The following FNDC3A variants were observed in gnomAD, a reference collection of about 807,000 sequenced individuals.
The protein encoded by FNDC3A is fibronectin type-III domain-containing protein 3A.
Under a neutral mutation model 148.9 loss-of-function variants are expected in FNDC3A, and 32 were observed. That is an observed-to-expected ratio of 0.21 (90% CI 0.16 to 0.29). The LOEUF (loss-of-function observed/expected upper bound fraction) is 0.29. Ranked by LOEUF, FNDC3A falls within the 10% of genes least tolerant of loss-of-function variation. The pLI, the probability that FNDC3A is intolerant of heterozygous loss-of-function variation, is 1.00. For missense variants in FNDC3A, 1,191 were observed against 1,452.8 expected (o/e 0.82, Z 2.93); for synonymous variants, 472 against 473.6 (o/e 1.00, Z 0.04).
At chr13:49,095,508 A>G (rs1300191733) in intron 3 of FNDC3A, 1 of 152,074 alleles carries the variant, frequency 6.6e-6, no homozygotes. Flanking sequence ...AAAATAAAAT[A>G]TAAAGGAAAC....
chr13:49,154,433 G>A (rs1257812480), intron 8 of FNDC3A, among the ~76,000 whole-genome samples: 4 of 148,044 alleles, frequency 2.7e-5, no homozygotes, highest in Admixed American at 6.8e-5. Context: ...AGACACTGGG[G>A]TTTTCTAAAT....
At chr13:49,018,139 A>G (rs1327808920) in intron 2 of FNDC3A, among the ~76,000 whole-genome samples, 1 of 150,800 alleles carries the variant, frequency 6.6e-6, no homozygotes, top group Non-Finnish European at 1.5e-5. Flanking sequence ...CTGAATCTGA[A>G]CGTTGGCCTG....
At position 49,191,211 on chromosome 13, in the gene FNDC3A, C is replaced by T. The variant is rs375633208; in HGVS notation, c.2053C>T (p.Pro685Ser). ...GCATTAATCTTTCCATCTTTTAGGA[C>T]CCCCTCTGGTTGATGGTGGATCACC... ...KAKEIQLRWG[P>S]PLVDGGSPIS... Residue 685 changes from proline to serine, a missense_variant and splice_region_variant, in exon 19 of 26, where the codon CCC becomes TCC. Physicochemically the swap from Pro to Ser is moderately conservative, Grantham distance 74 (BLOSUM62 -1). Around this residue, in one of 3 missense-constraint regions of FNDC3A, gnomAD observed 751 missense variants for 944.0 expected, o/e 0.80. Transcript: ENST00000492622. 34 of 1,605,714 alleles carry T rather than the reference C, an allele frequency of 2.1e-5. No homozygotes were observed. In the Admixed American group the frequency reaches 3.3e-4, roughly 15 times the overall value.
intron 8 of FNDC3A, among the ~76,000 whole-genome samples, chr13:49,166,038 C>T (rs1163596150): frequency 2.0e-5 from 3 of 152,066 alleles, no homozygotes; most frequent in African/African-American, 4.8e-5. Context: ...TCAGGCCCTC[C>T]AGTGGTGTTT....
chr13:48,994,959 C>T (rs1314641541), intron 1 of FNDC3A, among the ~76,000 whole-genome samples: 3 of 151,954 alleles, frequency 2.0e-5, no homozygotes, highest in Non-Finnish European at 2.9e-5. Context: ...TGAAGTTTTC[C>T]ACAATAAAAG....
At chr13:49,176,895 G>C (rs1210029633) in intron 13 of FNDC3A, among the ~76,000 whole-genome samples, 1 of 152,120 alleles carries the variant, frequency 6.6e-6, no homozygotes, top group Non-Finnish European at 1.5e-5. Context: ...TGAACTCCTG[G>C]GCTCAGGCAA....
chr13:49,177,106 C>G (rs1885068283), intron 13 of FNDC3A, among the ~76,000 whole-genome samples: 1 of 152,152 alleles, frequency 6.6e-6, no homozygotes, highest in South Asian at 2.1e-4. Context: ...CCTGAAAACT[C>G]TGTCTTTTCT....
intron 2 of FNDC3A, among the ~76,000 whole-genome samples, chr13:49,040,484 A>T (rs531934540): frequency 6.6e-6 from 1 of 152,254 alleles, no homozygotes; most frequent in Non-Finnish European, 1.5e-5. Context: ...ATTGCTAGAA[A>T]TGAAAGAAGT....
intron 25 of FNDC3A, among the ~76,000 whole-genome samples, chr13:49,203,606 A>G (rs1362559803): frequency 6.6e-6 from 1 of 152,238 alleles, no homozygotes; most frequent in East Asian, 1.9e-4. Flanking sequence ...AAACATGACA[A>G]TATATTGTCA....
intron 5 of FNDC3A, among the ~76,000 whole-genome samples, chr13:49,132,343 C>G (rs1476913500): frequency 1.3e-5 from 2 of 152,100 alleles, no homozygotes; most frequent in African/African-American, 4.8e-5. Flanking sequence ...AGTGATTTCC[C>G]ATTGCAATTA....
intron 2 of FNDC3A, among the ~76,000 whole-genome samples, chr13:49,059,682 C>G (rs1876517688): frequency 6.6e-6 from 1 of 152,148 alleles, no homozygotes; most frequent in Non-Finnish European, 1.5e-5. Context: ...TCTCAAAACT[C>G]CTGACCTCAA....
At chr13:49,189,372 G>A (rs1428635393) in intron 17 of FNDC3A, among the ~76,000 whole-genome samples, 2 of 151,944 alleles carry the variant, frequency 1.3e-5, no homozygotes, top group Non-Finnish European at 2.9e-5. Context: ...TAGTAGAGAC[G>A]GGGTTTTACC....
chr13:49,194,494 G>A (rs1195029073), intron 19 of FNDC3A, among the ~76,000 whole-genome samples: 2 of 152,176 alleles, frequency 1.3e-5, no homozygotes, highest in African/African-American at 4.8e-5. Flanking sequence ...GTATTCATGT[G>A]AGAGTAAAGC....
intron 8 of FNDC3A, among the ~76,000 whole-genome samples, chr13:49,159,662 A>G (rs1164006381): frequency 6.6e-6 from 1 of 152,178 alleles, no homozygotes; most frequent in African/African-American, 2.4e-5. Flanking sequence ...TATGTTGAAT[A>G]GGGGTGGAGA....
intron 3 of FNDC3A, among the ~76,000 whole-genome samples, chr13:49,076,968 A>G (rs889651284): frequency 6.6e-6 from 1 of 152,128 alleles, no homozygotes; most frequent in Non-Finnish European, 1.5e-5. Flanking sequence ...TATTTAACTA[A>G]TAGTTATTGC....
intron 1 of FNDC3A, among the ~76,000 whole-genome samples, chr13:48,997,098 A>T (rs1395290136): frequency 6.6e-6 from 1 of 152,112 alleles, no homozygotes; most frequent in Non-Finnish European, 1.5e-5. Flanking sequence ...GGATATCTCA[A>T]TCTAAATGTA....
chr13:49,177,154 G>A (rs898139132), intron 13 of FNDC3A, among the ~76,000 whole-genome samples: 3 of 152,070 alleles, frequency 2.0e-5, no homozygotes, highest in Admixed American at 1.3e-4. Flanking sequence ...TTGTGTGTGT[G>A]TATATATGTC....
chr13:49,192,465 T>G (rs1885934081), intron 19 of FNDC3A, among the ~76,000 whole-genome samples: 1 of 152,020 alleles, frequency 6.6e-6, no homozygotes, highest in African/African-American at 2.4e-5. Context: ...TGGATAATTT[T>G]TTCATATTTT....
intron 2 of FNDC3A, among the ~76,000 whole-genome samples, chr13:49,012,262 T>C (rs1268137903): frequency 6.6e-6 from 1 of 151,992 alleles, no homozygotes; most frequent in African/African-American, 2.4e-5. Context: ...TACAGGCGCC[T>C]GCCACCATGC....
Sources: allele counts gnomAD v4.1 joint callset (sites outside exome capture counted in the v4.1 genomes callset), GRCh38; gene constraint gnomAD v4.1.1; regional missense constraint gnomAD v4.1.1; transcripts MANE v1.5; gene names NCBI Gene and HGNC (gene_info 2026-07-23, HGNC 2026-07-21).